The following BRWD1 variants were observed in gnomAD, a reference collection of about 807,000 sequenced individuals.
The protein encoded by BRWD1 is bromodomain and WD repeat domain containing 1.
Under a neutral mutation model 251.2 loss-of-function variants are expected in BRWD1, and 82 were observed. The ratio of observed to expected loss-of-function variants is 0.33; its 90% confidence interval spans 0.27 to 0.39. The LOEUF is 0.39. Among genes scored for constraint, BRWD1 ranks in the 10% least tolerant of loss-of-function variants. The pLI, the probability that BRWD1 is intolerant of heterozygous loss-of-function variation, is 1.00. For synonymous variants in BRWD1, 918 were observed against 902.8 expected (o/e 1.02, Z -0.30); for missense variants, 2,233 against 2,711.6 (o/e 0.82, Z 3.92).
chr21:39,310,556 G>A (rs1328361904), intron 4 of BRWD1, among the ~76,000 whole-genome samples: 1 of 152,154 alleles, frequency 6.6e-6, no homozygotes, highest in Non-Finnish European at 1.5e-5. Flanking sequence ...GAACCCAGGA[G>A]GCAGAGGTTG....
chr21:39,249,915 G>GTGTGTGTGTGT (rs1568915296), intron 20 of BRWD1, among the ~76,000 whole-genome samples: 7 of 68,620 alleles, frequency 1.0e-4, no homozygotes, highest in Middle Eastern at 7.2e-3. Context: ...AAAGAAGGGG[G>GTGTGTGTGTGT]GTGTGTGTGT....
chr21:39,286,012 T>G (rs1226090373), intron 8 of BRWD1, among the ~76,000 whole-genome samples: 1 of 113,660 alleles, frequency 8.8e-6, no homozygotes, highest in African/African-American at 3.5e-5. Context: ...ACTCACCATA[T>G]GAACTTTTTT....
At chr21:39,209,535 T>C (rs2032565503) in intron 36 of BRWD1, among the ~76,000 whole-genome samples, 1 of 152,184 alleles carries the variant, frequency 6.6e-6, no homozygotes, top group Non-Finnish European at 1.5e-5. Flanking sequence ...TTATTTGTGG[T>C]CTTAATCTGA....
intron 19 of BRWD1, 54 bp from the exon 20 acceptor site, chr21:39,250,943 G>C (rs2034374023): frequency 9.5e-7 from 1 of 1,054,296 alleles, no homozygotes; most frequent in African/African-American, 1.6e-5. Context: ...GATAACTAAA[G>C]GATATAAAGA....
At chr21:39,241,152 A>T (rs901420168) in intron 21 of BRWD1, among the ~76,000 whole-genome samples, 1 of 151,956 alleles carries the variant, frequency 6.6e-6, no homozygotes, top group African/African-American at 2.4e-5. Flanking sequence ...GTGTATGTAG[A>T]ATTAAACAAA....
intron 15 of BRWD1, among the ~76,000 whole-genome samples, chr21:39,268,787 C>A (rs2035008339): frequency 6.6e-6 from 1 of 152,094 alleles, no homozygotes; most frequent in African/African-American, 2.4e-5. Flanking sequence ...GAGATGGAGA[C>A]CATCCTGGCT....
chr21:39,199,496 T>C lies in BRWD1; in HGVS notation c.4920A>G (p.Ile1640Met), dbSNP rs759885543. The change falls in exon 40 of 41, where the codon ATA becomes ATG. Residue 1640 changes from isoleucine (I) to methionine (M), a missense_variant. By Grantham distance (10) the Ile-to-Met change is conservative. Coordinates refer to ENST00000342449, the MANE Select transcript of BRWD1 (RefSeq NM_033656.4). The stretch of plus-strand genomic sequence containing the variant: ...TCTCTTCTACATCACTCATTAGCTT[T>C]ATTTTATTGGCAGCCACAGCAGCAC... ...RKCAAVAANK[I>M]KLMSDVEENS... 40 of 1,614,202 alleles carry C rather than the reference T, an allele frequency of 2.5e-5. No individual in the cohort carries two copies. The highest frequency in any genetic ancestry group is 3.4e-5 in the Non-Finnish European group (40 of 1,180,038).
Position 39,196,744 on chromosome 21 carries a change from A to C in BRWD1, c.6325T>G (p.Phe2109Val). The change falls in exon 41 of 41, where the codon TTT becomes GTT. Residue 2109 changes from phenylalanine (F) to valine (V), a missense_variant. Around this residue, in one of 12 missense-constraint regions of BRWD1, gnomAD observed 928 missense variants for 970.0 expected, o/e 0.96. Coordinates refer to ENST00000342449, the MANE Select transcript of BRWD1 (RefSeq NM_033656.4). ...RRLRTYGKAP[F>V]SKTKVIHDSQ... ...TCATGAATCACTTTTGTCTTACTAA[A>C]AGGAGCCTTTCCATAGGTCCTGAGT... The C allele has an allele frequency of 1.9e-6, 3 of 1,613,632 alleles. No individual in the cohort carries two copies. The highest frequency in any genetic ancestry group is 2.5e-6 in the Non-Finnish European group (3 of 1,179,880).
At position 39,238,378 on chromosome 21, in the gene BRWD1, C is replaced by T. The variant is rs2033883434; in HGVS notation, c.2576+101G>A. 25 of 845,264 alleles carry T rather than the reference C, an allele frequency of 3.0e-5. No homozygotes were observed. The South Asian group carries it at 3.9e-4, about 13-fold the overall frequency. 52.4% of individuals were successfully genotyped at this position (845,264 alleles called of 1,614,324 possible). A position where few individuals can be genotyped will look rare whatever the true frequency, so the allele number is the denominator to read the frequency against. ...CCTTTTAAGTGTATTAAAAACTGTT[C>T]CACAGTTGCAAATTCTTGCCTCTTG... is the stretch of plus-strand genomic sequence containing the variant. On this transcript the variant is annotated intron_variant, in intron 22 of 40. Transcript: ENST00000342449.
At chr21:39,298,791 A>G (rs1022762403) in intron 4 of BRWD1, among the ~76,000 whole-genome samples, 1 of 151,580 alleles carries the variant, frequency 6.6e-6, no homozygotes, top group Non-Finnish European at 1.5e-5. Flanking sequence ...CTTCAGCAAC[A>G]TTTTTTTTTG....
Position 39,195,506 on chromosome 21 carries a change from CACA to C in BRWD1, c.*750_*752del, listed in dbSNP as rs2031766262. ...CAGATTATATAGCATTTTGTTAGTG[CACA>C]ATTTAAAAGAAAATGCTCTGACTAT... On this transcript the variant is annotated 3_prime_UTR_variant, in exon 41 of 41. Coordinates refer to ENST00000342449, the MANE Select transcript of BRWD1 (RefSeq NM_033656.4). The C allele has an allele frequency of 5.1e-6, 5 of 984,118 alleles. No homozygotes were observed. Among genetic ancestry groups the C allele is most frequent in the Middle Eastern group, 5.2e-4 (1 of 1,934 alleles). 61.0% of individuals were successfully genotyped at this position (984,118 alleles called of 1,614,324 possible).
intron 37 of BRWD1, among the ~76,000 whole-genome samples, chr21:39,204,349 G>A (rs1276214311): frequency 2.0e-5 from 3 of 151,420 alleles, no homozygotes; most frequent in African/African-American, 7.3e-5. Context: ...GGGATATACT[G>A]CACAGTTGAA....
chr21:39,247,654 A>T, intron 21 of BRWD1, 47 bp downstream of exon 21: 1 of 1,549,566 alleles, frequency 6.5e-7, no homozygotes, highest in Non-Finnish European at 8.7e-7. Context: ...GAATTAAGCC[A>T]AATTCATTTA....
upstream of BRWD1, chr21:39,313,638 G>A: frequency 3.8e-6 from 2 of 520,348 alleles, no homozygotes; most frequent in Non-Finnish European, 5.8e-6. Context: ...CGCCTGGACC[G>A]ACGCCTCCGC....
chr21:39,305,420 T>C (rs2036255101), intron 4 of BRWD1, among the ~76,000 whole-genome samples: 1 of 152,142 alleles, frequency 6.6e-6, no homozygotes, highest in Non-Finnish European at 1.5e-5. Context: ...AACTAGTAAC[T>C]ACTCTCTTTT....
chr21:39,189,094 A>G lies in BRWD1; in HGVS notation c.*7165T>C. ...AACCCTATATCCAAAATGAATCTTT[A>G]ACACATTAAATCAATGTTAGCAAAT... is the stretch of plus-strand genomic sequence containing the variant. On this transcript the variant is annotated 3_prime_UTR_variant, in exon 41 of 41. Coordinates refer to ENST00000342449, the MANE Select transcript of BRWD1 (RefSeq NM_033656.4). 2 of 983,932 alleles carry G rather than the reference A, an allele frequency of 2.0e-6. No individual in the cohort carries two copies. Among genetic ancestry groups the G allele is most frequent in the Non-Finnish European group, 2.4e-6 (2 of 828,496 alleles). 61.0% of individuals were successfully genotyped at this position (983,932 alleles called of 1,614,324 possible).
chr21:39,238,392 T>G, intron 22 of BRWD1, 87 bp downstream of exon 22: 1 of 1,089,850 alleles, frequency 9.2e-7, no homozygotes, highest in Non-Finnish European at 1.4e-6. Flanking sequence ...AGTTGCAAAT[T>G]CTTGCCTCTT....
chr21:39,313,775 C>T (rs537330305), upstream of BRWD1: 3 of 391,416 alleles, frequency 7.7e-6, no homozygotes, highest in Non-Finnish European at 1.4e-5. Flanking sequence ...AGCTCTCTGC[C>T]TCCGGGGACT....
chr21:39,251,175 T>C (rs2034381094), intron 19 of BRWD1, among the ~76,000 whole-genome samples: 1 of 152,148 alleles, frequency 6.6e-6, no homozygotes, highest in Admixed American at 6.6e-5. Context: ...TTTCAAAACG[T>C]CTTCATGATT....
Sources: allele counts gnomAD v4.1 joint callset (sites outside exome capture counted in the v4.1 genomes callset), GRCh38; gene constraint gnomAD v4.1.1; regional missense constraint gnomAD v4.1.1; transcripts MANE v1.5; gene names NCBI Gene and HGNC (gene_info 2026-07-23, HGNC 2026-07-21).